Variants in PTK7 observed in about 807,000 individuals in gnomAD.
PTK7 encodes the protein protein tyrosine kinase 7 (inactive).
Under a neutral mutation model 116.6 loss-of-function variants are expected in PTK7, and 39 were observed. The observed-to-expected ratio is 0.33, with a 90% CI of 0.26 to 0.44. The LOEUF (loss-of-function observed/expected upper bound fraction) is 0.44, where lower values mean the gene tolerates loss of function less well. PTK7 is among the 20% of genes least tolerant of loss of function. PTK7 has a pLI of 1.00. For synonymous variants in PTK7, 546 were observed against 563.6 expected (o/e 0.97, Z 0.44); for missense variants, 1,169 against 1,425.6 (o/e 0.82, Z 2.90).
intron 1 of PTK7, among the ~76,000 whole-genome samples, chr6:43,120,556 A>C (rs1250037447): frequency 6.6e-6 from 1 of 152,188 alleles, no homozygotes; most frequent in African/African-American, 2.4e-5. Context: ...GCTGTTTGTT[A>C]GGTCACTCTT....
intron 1 of PTK7, among the ~76,000 whole-genome samples, chr6:43,108,387 G>T (rs1030364790): frequency 2.0e-5 from 3 of 150,130 alleles, no homozygotes; most frequent in African/African-American, 4.9e-5. Flanking sequence ...GAGCCACCGC[G>T]CCCGGCCAAC....
At position 43,145,005 on chromosome 6, in the gene PTK7, A is replaced by G. The variant is rs1271921490; in HGVS notation, c.2408-195A>G. ...CGAGTCACCCTTTGGAAAATGCTGA[A>G]TATTAGTCCCACCCTTTTATTTTGT... On this transcript the variant is annotated intron_variant, in intron 15 of 19. Transcript: ENST00000230419. This position sits in a 1 kb window ranked among gnomAD's most constrained non-coding sequence, Gnocchi z 4.8. 2.1e-6 allele frequency: 1 copy of G among 486,356 alleles called. No individual in the cohort carries two copies. The highest frequency in any genetic ancestry group is 3.6e-6 in the Non-Finnish European group (1 of 278,210). The allele number at this position is 486,356 out of a possible 1,614,324, so 30.1% of individuals were successfully genotyped here. A position where few individuals can be genotyped will look rare whatever the true frequency, so the allele number is the denominator to read the frequency against.
At position 43,142,310 on chromosome 6, in the gene PTK7, G is replaced by A. The variant is rs748369525; in HGVS notation, c.2047+11G>A. ...CCCTCTATGTCGTGGGTATGGGCTG[G>A]GGAGGGTTATGCTGCACAGGAAGTG... On this transcript the variant is annotated intron_variant, in intron 13 of 19. Transcript: ENST00000230419. The A allele has an allele frequency of 7.3e-5, 118 of 1,613,962 alleles. No individual in the cohort carries two copies. Among genetic ancestry groups the A allele is most frequent in the Middle Eastern group, 6.6e-4 (4 of 6,084 alleles).
chr6:43,091,084 G>A (rs1017269711), intron 1 of PTK7, among the ~76,000 whole-genome samples: 1 of 151,794 alleles, frequency 6.6e-6, no homozygotes, highest in Admixed American at 6.6e-5. Flanking sequence ...TTCAGGAACT[G>A]ACTTCTGGCT....
chr6:43,127,473 A>G (rs1292404027), intron 1 of PTK7, among the ~76,000 whole-genome samples: 2 of 152,080 alleles, frequency 1.3e-5, no homozygotes, highest in African/African-American at 2.4e-5. Flanking sequence ...CTTTGTTCCC[A>G]CTGACTGCAG....
In PTK7 at chr6:43,100,215, C is replaced by G. The variant is rs556864274; in HGVS notation, c.79+23648C>G. Among the ~76,000 whole-genome samples the G allele has an allele frequency of 7.9e-5, 12 of 152,158 alleles. No homozygotes were observed. The East Asian group carries it at 2.3e-3, about 29-fold the overall frequency. The stretch of plus-strand genomic sequence containing the variant: ...TGGTTAACACAGTGAAACCCCGTCT[C>G]TACTAAAAATATGAAAAATTAGCTG... On this transcript the variant is annotated intron_variant, in intron 1 of 19. Transcript: ENST00000230419.
At chr6:43,119,834 G>C (rs370404104) in intron 1 of PTK7, among the ~76,000 whole-genome samples, 1 of 152,136 alleles carries the variant, frequency 6.6e-6, no homozygotes, top group African/African-American at 2.4e-5. Context: ...TTTGGGGCCA[G>C]ATCCGTTCCC....
rs567041834 is a variant in PTK7, at chr6:43,130,578, G to T, written c.729G>T (p.Met243Ile). ...TAGTAGCGAGGTATGAGGAGGCCAT[G>T]TTCCATTGCCAGTTCTCAGCCCAGC... Reference protein sequence around the residue: ...DVVVARYEEAMFHCQFSAQPP... With the variant: ...DVVVARYEEAIFHCQFSAQPP... Residue 243 changes from methionine to isoleucine, a missense_variant, in exon 5 of 20, where the codon ATG becomes ATT. By Grantham distance (10) the Met-to-Ile change is conservative. Transcript: ENST00000230419. The T allele has an allele frequency of 6.2e-6, 10 of 1,614,182 alleles. No homozygotes were observed. The highest frequency in any genetic ancestry group is 3.3e-5 in the Admixed American group (2 of 60,012).
chr6:43,115,002 A>G (rs947908177), intron 1 of PTK7, among the ~76,000 whole-genome samples: 2 of 151,550 alleles, frequency 1.3e-5, no homozygotes, highest in African/African-American at 2.4e-5. Context: ...AGATCTTGCC[A>G]TTGCACTCCA....
At chr6:43,158,186 C>G (rs1047478470) in intron 17 of PTK7, among the ~76,000 whole-genome samples, 1 of 151,896 alleles carries the variant, frequency 6.6e-6, no homozygotes, top group Non-Finnish European at 1.5e-5. Flanking sequence ...GTAATCCCAG[C>G]TACTCGGGAG....
intron 19 of PTK7, 33 bp downstream of exon 19, chr6:43,159,999 G>C (rs376108482): frequency 1.9e-6 from 3 of 1,597,498 alleles, no homozygotes; most frequent in African/African-American, 1.3e-5. Context: ...GATGATTCCA[G>C]ATGGGCCCCA....
rs746163750 is a variant in PTK7 at position 43,159,848 on chromosome 6, C to T, written c.2934C>T (p.Ile978=). 1 of 1,614,248 alleles carries T rather than the reference C, an allele frequency of 6.2e-7. No homozygotes were observed. ...TGCGCTGGATGTCCCCCGAGGCCAT[C>T]CTGGAGGGTGACTTCTCTACCAAGT... ...VPLRWMSPEA[I]LEGDFSTKSD... The change falls in exon 19 of 20, where the codon ATC becomes ATT. Residue 978 remains isoleucine (I), a synonymous_variant. Transcript: ENST00000230419.
At chr6:43,147,535 C>T (rs1456764779) in intron 17 of PTK7, among the ~76,000 whole-genome samples, 2 of 152,212 alleles carry the variant, frequency 1.3e-5, no homozygotes, top group Non-Finnish European at 2.9e-5. Context: ...AATCAGAGCT[C>T]AGGGCAGGGT....
intron 17 of PTK7, among the ~76,000 whole-genome samples, chr6:43,147,537 G>A (rs1045252364): frequency 6.6e-6 from 1 of 152,224 alleles, no homozygotes; most frequent in African/African-American, 2.4e-5. Context: ...TCAGAGCTCA[G>A]GGCAGGGTAG....
chr6:43,129,470 C>G lies in PTK7; in HGVS notation c.367+206C>G, dbSNP rs538741038. On this transcript the variant is annotated intron_variant, in intron 2 of 19. Coordinates refer to ENST00000230419, the MANE Select transcript of PTK7 (RefSeq NM_002821.5). This position sits in a 1 kb window ranked among gnomAD's most constrained non-coding sequence, Gnocchi z 4.5. ...AAAATTTTTTCCTTCAAGTCTGGGA[C>G]CCATTTATCTGCTGCATGCTTGTGC... 7.9e-4 allele frequency: 625 copies of G among 788,156 alleles called. No individual in the cohort carries two copies. Among genetic ancestry groups the G allele is most frequent in the Non-Finnish European group, 1.1e-3 (554 of 508,118 alleles). The allele number at this position is 788,156 out of a possible 1,614,324, so 48.8% of individuals were successfully genotyped here.
At chr6:43,092,364 C>G (rs1336113847) in intron 1 of PTK7, among the ~76,000 whole-genome samples, 1 of 152,044 alleles carries the variant, frequency 6.6e-6, no homozygotes, top group Non-Finnish European at 1.5e-5. Flanking sequence ...TAGGCTCTTG[C>G]TCTGTTGCCC....
intron 1 of PTK7, among the ~76,000 whole-genome samples, chr6:43,117,266 C>G (rs1768614343): frequency 6.6e-6 from 1 of 152,170 alleles, no homozygotes; most frequent in South Asian, 2.1e-4. Context: ...GAAGGATCCT[C>G]AAAACATAGT....
intron 1 of PTK7, among the ~76,000 whole-genome samples, chr6:43,080,046 G>A (rs1404404986): frequency 3.3e-5 from 4 of 120,474 alleles, no homozygotes; most frequent in African/African-American, 1.3e-4. Context: ...GGGTGACAGA[G>A]TTCAAAAAAA....
At chr6:43,086,423 T>A (rs2150373653) in intron 1 of PTK7, among the ~76,000 whole-genome samples, 1 of 151,926 alleles carries the variant, frequency 6.6e-6, no homozygotes, top group South Asian at 2.1e-4. Flanking sequence ...TGGCTTTTTT[T>A]TTTTTTTGTC....
Sources: allele counts gnomAD v4.1 joint callset (sites outside exome capture counted in the v4.1 genomes callset), GRCh38; gene constraint gnomAD v4.1.1; non-coding constraint Gnocchi (gnomAD v3.1); transcripts MANE v1.5; gene names NCBI Gene and HGNC (gene_info 2026-07-23, HGNC 2026-07-21).